SP140L: variants seen among roughly 807,000 people sequenced by gnomAD.
SP140L encodes nuclear body protein SP140-like protein.
A neutral mutation model predicts 84.3 loss-of-function variants in SP140L; 64 were observed. The ratio of observed to expected loss-of-function variants is 0.76; its 90% CI spans 0.62 to 0.94. SP140L has a LOEUF of 0.94. Among genes scored for constraint, SP140L ranks in the 40% least tolerant of loss-of-function variants. SP140L has a pLI of 0.00. For missense variants in SP140L, 628 were observed against 692.5 expected, an observed-to-expected ratio of 0.91 and a Z score of 1.05; for synonymous variants, 242 against 236.9, an observed-to-expected ratio of 1.02 and a Z score of -0.20.
intron 13 of SP140L, 73 bp from the exon 14 acceptor site, chr2:230,396,680 CTATT>C: frequency 6.5e-7 from 1 of 1,532,578 alleles, no homozygotes; most frequent in Non-Finnish European, 9.0e-7. Context: ...TCAAAGATGA[CTATT>C]TAAATTTAAG....
At chr2:230,361,841 A>C in intron 5 of SP140L, 144 bp downstream of exon 5, 1 of 636,866 alleles carries the variant, frequency 1.6e-6, no homozygotes, top group East Asian at 2.8e-5. Context: ...AGGGGGTTGT[A>C]TGAGCTCCTA....
In SP140L at chr2:230,361,720, G is replaced by A. The variant is rs180909282; in HGVS notation, c.523+23G>A. The A allele has an allele frequency of 3.7e-5, 56 of 1,527,830 alleles. No homozygotes were observed. In the African/African-American group the frequency reaches 6.6e-4, roughly 18 times the overall value. The allele number at this position is 1,527,830 out of a possible 1,614,324, so 94.6% of individuals were successfully genotyped here. ...AAGGTAAAAATGACAGAATAAAAACGGTTTCTCATCCGCTAAGAGGAAAAG... is the reference window on the plus strand; with the variant it reads ...AAGGTAAAAATGACAGAATAAAAACAGTTTCTCATCCGCTAAGAGGAAAAG... On this transcript the variant is annotated intron_variant, in intron 5 of 18. Coordinates refer to ENST00000415673, the MANE Select transcript of SP140L (RefSeq NM_138402.6).
At chr2:230,382,588 T>C (rs781379070) in intron 7 of SP140L, among the ~76,000 whole-genome samples, 5 of 152,192 alleles carry the variant, frequency 3.3e-5, no homozygotes, top group African/African-American at 4.8e-5. Flanking sequence ...ATTAGCTGTG[T>C]CTGGAGTGAA....
intron 2 of SP140L, among the ~76,000 whole-genome samples, chr2:230,331,859 T>C (rs1397446566): frequency 1.3e-5 from 2 of 152,248 alleles, no homozygotes; most frequent in Admixed American, 6.5e-5. Flanking sequence ...TTGTCTTGTT[T>C]TTTTCTGGAG....
At position 230,400,205 on chromosome 2, in the gene SP140L, C is replaced by T. The variant is rs1284367213; in HGVS notation, c.1276C>T (p.His426Tyr). ...FCCDTCSRVF[H>Y]EDCHIPPVES... is the part of the protein sequence containing the mutation. ...TTGCGACACTTGTTCAAGAGTCTTC[C>T]ATGAGGACTGCCACATCCCACCTGT... is the stretch of plus-strand genomic sequence containing the variant. Residue 426 changes from histidine to tyrosine, a missense_variant, in exon 15 of 19, where the codon CAT becomes TAT. His to Tyr is a moderately conservative substitution (Grantham distance 83). Coordinates refer to ENST00000415673, the MANE Select transcript of SP140L (RefSeq NM_138402.6). The T allele has an allele frequency of 6.2e-7, 1 of 1,614,042 alleles. No individual in the cohort carries two copies. Among genetic ancestry groups the T allele is most frequent in the East Asian group, 2.2e-5 (1 of 44,890 alleles).
At chr2:230,346,100 T>C (rs1021584629) in intron 2 of SP140L, among the ~76,000 whole-genome samples, 2 of 152,198 alleles carry the variant, frequency 1.3e-5, no homozygotes, top group Non-Finnish European at 2.9e-5. Context: ...TTTGTTTTTT[T>C]GGAAAAACCT....
chr2:230,385,958 G>A (rs2061564151), intron 9 of SP140L, among the ~76,000 whole-genome samples: 1 of 152,188 alleles, frequency 6.6e-6, no homozygotes, highest in South Asian at 2.1e-4. Context: ...TCAGAGTGTG[G>A]AAGTGTCTTG....
intron 7 of SP140L, among the ~76,000 whole-genome samples, chr2:230,380,430 G>C (rs1400488937): frequency 6.6e-6 from 1 of 152,108 alleles, no homozygotes; most frequent in African/African-American, 2.4e-5. Context: ...AAACATTTCA[G>C]GGTTGCAGAC....
intron 2 of SP140L, among the ~76,000 whole-genome samples, chr2:230,340,092 G>C (rs1485104863): frequency 2.0e-5 from 3 of 148,610 alleles, no homozygotes; most frequent in Non-Finnish European, 4.5e-5. Context: ...ACAGTGGGGT[G>C]TTAAAGTCTC....
At position 230,370,886 on chromosome 2, in the gene SP140L, T is replaced by C. The variant is rs1283700466; in HGVS notation, c.524-22T>C. On this transcript the variant is annotated intron_variant, in intron 5 of 18. Coordinates refer to ENST00000415673, the MANE Select transcript of SP140L (RefSeq NM_138402.6). ...ACCAGCATGTGAAAATGAGAAGTGT[T>C]CCTATGTCATGTGTTTCTCAGGAGA... 2.5e-6 allele frequency: 4 copies of C among 1,611,510 alleles called. No homozygotes were observed. In the South Asian group the frequency reaches 4.4e-5, roughly 18 times the overall value.
intron 9 of SP140L, among the ~76,000 whole-genome samples, chr2:230,385,967 T>C (rs1260400981): frequency 3.3e-5 from 5 of 152,194 alleles, no homozygotes; most frequent in African/African-American, 1.2e-4. Context: ...GGAAGTGTCT[T>C]GCCTGACAGG....
chr2:230,371,691 A>G (rs766864793), intron 7 of SP140L, 40 bp downstream of exon 7: 40 of 1,491,660 alleles, frequency 2.7e-5, no homozygotes, highest in Non-Finnish European at 1.9e-6. Flanking sequence ...TGATGTTACA[A>G]ATACATTTTT....
At position 230,402,954 on chromosome 2, in the gene SP140L, C is replaced by A. The variant is rs2062422143; in HGVS notation, c.*58C>A. On this transcript the variant is annotated 3_prime_UTR_variant, in exon 19 of 19. Coordinates refer to ENST00000415673, the MANE Select transcript of SP140L (RefSeq NM_138402.6). Reference sequence around the variant, plus strand: ...ATATGCTACTGGTTGCCACTGACTTCAAACTGAGAGCACTTGGGAAATAGC... The same window carrying A: ...ATATGCTACTGGTTGCCACTGACTTAAAACTGAGAGCACTTGGGAAATAGC... The A allele has an allele frequency of 1.4e-6, 2 of 1,409,948 alleles. No individual in the cohort carries two copies. Among genetic ancestry groups the A allele is most frequent in the Non-Finnish European group, 2.0e-6 (2 of 1,020,210 alleles). The allele number at this position is 1,409,948 out of a possible 1,614,324, so 87.3% of individuals were successfully genotyped here.
At chr2:230,349,118 A>G (rs1254090879) in intron 2 of SP140L, among the ~76,000 whole-genome samples, 1 of 152,232 alleles carries the variant, frequency 6.6e-6, no homozygotes, top group East Asian at 1.9e-4. Flanking sequence ...TTCTACTTGT[A>G]GTATTTGTTG....
chr2:230,354,734 T>C (rs2060463760), intron 2 of SP140L, among the ~76,000 whole-genome samples: 1 of 130,094 alleles, frequency 7.7e-6, no homozygotes, highest in African/African-American at 3.0e-5. Flanking sequence ...ATGATTGTGC[T>C]ACTGCACTCC....
chr2:230,335,049 A>G (rs1041518712), intron 2 of SP140L, among the ~76,000 whole-genome samples: 2 of 151,864 alleles, frequency 1.3e-5, no homozygotes, highest in Non-Finnish European at 2.9e-5. Context: ...TAAACTCCTA[A>G]CGTTGTTTAT....
chr2:230,335,362 T>G (rs914481995), intron 2 of SP140L, among the ~76,000 whole-genome samples: 1 of 152,236 alleles, frequency 6.6e-6, no homozygotes, highest in Non-Finnish European at 1.5e-5. Context: ...TGTGCCACTT[T>G]GGAAACGTTT....
chr2:230,378,131 G>A (rs7606915), intron 7 of SP140L, among the ~76,000 whole-genome samples: 2 of 152,052 alleles, frequency 1.3e-5, no homozygotes, highest in African/African-American at 4.8e-5. Context: ...GGCCATATAT[G>A]TTTAGGTCTA....
chr2:230,371,454 GT>G, intron 6 of SP140L, 143 bp from the exon 7 acceptor site: 5 of 779,606 alleles, frequency 6.4e-6, no homozygotes, highest in African/African-American at 1.8e-5. Flanking sequence ...AGTTCAGTGG[GT>G]TTTTGGTTCC....
Sources: allele counts gnomAD v4.1 joint callset (sites outside exome capture counted in the v4.1 genomes callset), GRCh38; gene constraint gnomAD v4.1.1; transcripts MANE v1.5; gene names NCBI Gene and HGNC (gene_info 2026-07-23, HGNC 2026-07-21).